P2RY14: variants seen among roughly 807,000 people sequenced by gnomAD.
The protein encoded by P2RY14 is P2Y purinoceptor 14.
A neutral mutation model predicts 0.9 loss-of-function variants in P2RY14; 2 were observed. The observed-to-expected ratio is 2.16, with a 90% CI of 0.88 to 6.79. The LOEUF (loss-of-function observed/expected upper bound fraction) is 6.79. P2RY14 is among the 30% of genes most tolerant of loss of function. The probability of loss-of-function intolerance (pLI) is 0.05; values close to 1 mark genes in which losing one functional copy is unlikely to be tolerated. For missense variants in P2RY14, 378 were observed against 400.1 expected (o/e 0.94, Z 0.47); for synonymous variants, 158 against 147.2 (o/e 1.07, Z -0.53).
At chr3:151,277,734 T>C (rs1175097260) in intron 1 of P2RY14, among the ~76,000 whole-genome samples, 1 of 152,264 alleles carries the variant, frequency 6.6e-6, no homozygotes, top group South Asian at 2.1e-4. Flanking sequence ...CTAGGACAGA[T>C]ATTTCTGTGA....
At chr3:151,247,919 T>G (rs903481691) in intron 1 of P2RY14, among the ~76,000 whole-genome samples, 1 of 149,358 alleles carries the variant, frequency 6.7e-6, no homozygotes, top group Non-Finnish European at 1.5e-5. Flanking sequence ...AGGGCTCCTT[T>G]TAAAAAGATT....
intron 1 of P2RY14, among the ~76,000 whole-genome samples, chr3:151,275,753 T>C (rs1230867941): frequency 6.6e-6 from 1 of 152,238 alleles, no homozygotes; most frequent in Non-Finnish European, 1.5e-5. Flanking sequence ...CTGATTCTCA[T>C]GCTACTTAGG....
At chr3:151,251,343 C>T (rs1016764955) in intron 1 of P2RY14, among the ~76,000 whole-genome samples, 1 of 152,102 alleles carries the variant, frequency 6.6e-6, no homozygotes, top group African/African-American at 2.4e-5. Context: ...AACACTCTGT[C>T]TCATCCATTC....
At chr3:151,250,731 G>A (rs1044452377) in intron 1 of P2RY14, among the ~76,000 whole-genome samples, 2 of 152,140 alleles carry the variant, frequency 1.3e-5, no homozygotes, top group African/African-American at 4.8e-5. Context: ...ATGAAAGTGG[G>A]TATACAAATA....
intron 1 of P2RY14, among the ~76,000 whole-genome samples, chr3:151,240,132 G>A (rs545071081): frequency 6.6e-6 from 1 of 151,608 alleles, no homozygotes; most frequent in African/African-American, 2.4e-5. Flanking sequence ...CAGGACCATT[G>A]TTCTGGCCAG....
At chr3:151,221,280 T>G (rs764222047) in intron 1 of P2RY14, among the ~76,000 whole-genome samples, 1 of 152,176 alleles carries the variant, frequency 6.6e-6, no homozygotes. Flanking sequence ...TTCAGAAAAT[T>G]TGCAGCCTGA....
At chr3:151,255,641 G>A (rs1401445353) in intron 1 of P2RY14, among the ~76,000 whole-genome samples, 2 of 152,160 alleles carry the variant, frequency 1.3e-5, no homozygotes, top group Non-Finnish European at 2.9e-5. Context: ...TGGCCCCTGA[G>A]ATGAAACCTT....
At chr3:151,233,207 A>G (rs1732049003) in intron 1 of P2RY14, among the ~76,000 whole-genome samples, 1 of 152,162 alleles carries the variant, frequency 6.6e-6, no homozygotes, top group Non-Finnish European at 1.5e-5. Context: ...TCACCTCCAC[A>G]GGGTAGCACT....
rs1358587599 is a variant in P2RY14, at chr3:151,244,446, A to C, written c.-132-24804T>G. 2.8e-5 allele frequency among the ~76,000 whole-genome samples: 4 copies of C among 142,672 alleles called. No individual in the cohort carries two copies. The South Asian group carries it at 9.9e-4, about 35-fold the overall frequency. 93.6% of individuals were successfully genotyped at this position (142,672 alleles called of 152,430 possible). A position where few individuals can be genotyped will look rare whatever the true frequency, so the allele number is the denominator to read the frequency against. ...CAGACCACAGTGCAATCAAACTAGA[A>C]CTCAGGATTAAGAATCTCACTCAAA... On this transcript the variant is annotated intron_variant, in intron 1 of 2. Coordinates refer to ENST00000309170, the MANE Select transcript of P2RY14 (RefSeq NM_014879.4).
chr3:151,233,657 C>T (rs567147822), intron 1 of P2RY14, among the ~76,000 whole-genome samples: 2 of 152,150 alleles, frequency 1.3e-5, no homozygotes, highest in Non-Finnish European at 2.9e-5. Flanking sequence ...CACTTGAACC[C>T]GGGAGGCGGA....
intron 1 of P2RY14, among the ~76,000 whole-genome samples, chr3:151,252,726 T>A (rs1190577179): frequency 3.9e-5 from 6 of 152,204 alleles, no homozygotes; most frequent in Admixed American, 3.9e-4. Flanking sequence ...TTGTACATAT[T>A]CAGTTTGCTA....
At chr3:151,248,585 A>G (rs1163989159) in intron 1 of P2RY14, among the ~76,000 whole-genome samples, 5 of 152,178 alleles carry the variant, frequency 3.3e-5, no homozygotes, top group African/African-American at 1.2e-4. Context: ...GACTGTCTGG[A>G]TAATAAGTAT....
At chr3:151,230,777 C>T (rs1336230689) in intron 1 of P2RY14, among the ~76,000 whole-genome samples, 1 of 152,140 alleles carries the variant, frequency 6.6e-6, no homozygotes, top group African/African-American at 2.4e-5. Flanking sequence ...TGTAAACTTG[C>T]TCAAGCCATT....
At chr3:151,251,128 C>G (rs1047404169) in intron 1 of P2RY14, among the ~76,000 whole-genome samples, 13 of 152,124 alleles carry the variant, frequency 8.5e-5, no homozygotes, top group Non-Finnish European at 5.9e-5. Context: ...CATCCTGAGC[C>G]CCATGCTTTT....
chr3:151,242,160 C>T (rs1734269688), intron 1 of P2RY14, among the ~76,000 whole-genome samples: 1 of 152,204 alleles, frequency 6.6e-6, no homozygotes, highest in Admixed American at 6.5e-5. Context: ...GCACAGCAGT[C>T]TGAGATCAAA....
At position 151,255,384 on chromosome 3, in the gene P2RY14, A is replaced by G. The variant is rs113086038; in HGVS notation, c.-133+22903T>C. Among the ~76,000 whole-genome samples the G allele has an allele frequency of 6.8e-3, 1,029 of 151,938 alleles. 7 individuals carry two copies. Among genetic ancestry groups the G allele is most frequent in the South Asian group, 0.015 (70 of 4,814 alleles). ...AGTTGGGGGAGGGAGTTTCTAGATA[A>G]TGAGCATCCAGTAGAGTAGACGGAA... On this transcript the variant is annotated intron_variant, in intron 1 of 2. Coordinates refer to ENST00000309170, the MANE Select transcript of P2RY14 (RefSeq NM_014879.4).
At chr3:151,223,175 C>CAAAAAAAA (rs10646837) in intron 1 of P2RY14, among the ~76,000 whole-genome samples, 2 of 127,124 alleles carry the variant, frequency 1.6e-5, no homozygotes, top group African/African-American at 5.9e-5. Context: ...TTAAAAAGTC[C>CAAAAAAAA]AAAAAAAAAA....
chr3:151,228,547 T>A (rs928164892), intron 1 of P2RY14, among the ~76,000 whole-genome samples: 8 of 152,214 alleles, frequency 5.3e-5, no homozygotes, highest in Non-Finnish European at 1.2e-4. Context: ...CAGAGTGCTC[T>A]GAGCTTCCTC....
chr3:151,259,888 A>G (rs766031356), intron 1 of P2RY14, among the ~76,000 whole-genome samples: 6 of 152,126 alleles, frequency 3.9e-5, no homozygotes, highest in Non-Finnish European at 8.8e-5. Context: ...GTGTTAGTTC[A>G]TCCTGTTCTG....
Sources: gnomAD v4.1 joint callset for allele counts (sites outside exome capture counted in the v4.1 genomes callset) on GRCh38, gnomAD v4.1.1 for gene constraint, MANE v1.5 for transcripts, NCBI Gene and HGNC (gene_info 2026-07-23, HGNC 2026-07-21) for gene names.